The following ARHGEF10 variants were observed in gnomAD, a reference collection of about 807,000 sequenced individuals.
The protein encoded by ARHGEF10 is Rho guanine nucleotide exchange factor 10, also known as Rho guanine nucleotide exchange factor (GEF) 10.
A neutral mutation model predicts 147.4 loss-of-function variants in ARHGEF10; 140 were observed. The observed-to-expected ratio is 0.95, with a 90% confidence interval of 0.83 to 1.09. ARHGEF10 has a LOEUF of 1.09. ARHGEF10 is among the 50% of genes least tolerant of loss of function. The pLI is 0.00. For missense variants in ARHGEF10, 2,222 were observed against 1,752.7 expected, an observed-to-expected ratio of 1.27 and a Z score of -4.78; for synonymous variants, 902 against 695.8, an observed-to-expected ratio of 1.30 and a Z score of -4.67.
intron 11 of ARHGEF10, among the ~76,000 whole-genome samples, chr8:1,891,468 G>T (rs1809519906): frequency 6.6e-6 from 1 of 152,216 alleles, no homozygotes; most frequent in Non-Finnish European, 1.5e-5. Context: ...TACTTGGAAA[G>T]TACCCTTGAT....
rs111784754 is a variant in ARHGEF10 at position 1,865,506 on chromosome 8, C to T, written c.546-1020C>T. Among the ~76,000 whole-genome samples the T allele has an allele frequency of 9.1e-3, 1,386 of 152,088 alleles. 52 individuals are homozygous for T. In the East Asian group the frequency reaches 0.14, roughly 15 times the overall value. ...CATCACCAGGACACGGGGCATCCCC[C>T]AGCACCCATGAGGCCGTCACCAGGA... On this transcript the variant is annotated intron_variant, in intron 5 of 28. Transcript: ENST00000349830.
At chr8:1,903,178 A>G (rs1810608775) in intron 15 of ARHGEF10, 103 bp from the exon 16 acceptor site, 74 of 1,418,406 alleles carry the variant, frequency 5.2e-5, no homozygotes, top group Middle Eastern at 2.3e-4. Flanking sequence ...AGGATGGCAG[A>G]TGCCACTGCC....
At chr8:1,878,532 G>A (rs1807903085) in intron 8 of ARHGEF10, among the ~76,000 whole-genome samples, 1 of 152,202 alleles carries the variant, frequency 6.6e-6, no homozygotes, top group South Asian at 2.1e-4. Flanking sequence ...TATTTCGCTT[G>A]CTGTAGCTGA....
intron 27 of ARHGEF10, among the ~76,000 whole-genome samples, chr8:1,951,017 C>G (rs554776075): frequency 5.9e-5 from 9 of 152,342 alleles, no homozygotes; most frequent in South Asian, 4.1e-4. Flanking sequence ...TCTCACATCC[C>G]TGCTCCCACA....
rs1199414137 is a variant in ARHGEF10 at position 1,885,689 on chromosome 8, G to A, written c.1164G>A (p.Glu388=). 4 of 1,613,804 alleles carry A rather than the reference G, an allele frequency of 2.5e-6. No homozygotes were observed. The highest frequency in any genetic ancestry group is 3.3e-5 in the Admixed American group (2 of 59,996). The change falls in exon 11 of 29, where the codon GAG becomes GAA. Residue 388 remains glutamate (E), a synonymous_variant. Coordinates refer to ENST00000349830, the MANE Select transcript of ARHGEF10 (RefSeq NM_014629.4). The part of the protein sequence containing the change: ...HPEAILTPMP[E]GLSQQQVVRR... ...AAGCCATCTTGACCCCGATGCCCGAGGGTTTATCTCAGCAGCAGGTGAGAT... is the reference window on the plus strand; with the variant it reads ...AAGCCATCTTGACCCCGATGCCCGAAGGTTTATCTCAGCAGCAGGTGAGAT...
At chr8:1,925,226 G>A (rs575144817) in intron 21 of ARHGEF10, 57 bp from the exon 22 acceptor site, 6 of 1,611,932 alleles carry the variant, frequency 3.7e-6, no homozygotes, top group Non-Finnish European at 5.1e-6. Flanking sequence ...GGAGCTGCAG[G>A]TCTTTGCATG....
rs1738020025 is a variant in ARHGEF10, at chr8:1,864,569, C to T, written c.545+133C>T. The T allele has an allele frequency of 4.6e-6, 4 of 871,214 alleles. No homozygotes were observed. In the East Asian group the frequency reaches 7.6e-5, roughly 17 times the overall value. 54.0% of individuals were successfully genotyped at this position (871,214 alleles called of 1,614,324 possible). ...GGCGGGAGCTGTCCCAACCCCACCT[C>T]CTGCCTCGGGTCCCTCCCAGGCGAG... On this transcript the variant is annotated intron_variant, in intron 5 of 28. Transcript: ENST00000349830.
intron 9 of ARHGEF10, among the ~76,000 whole-genome samples, chr8:1,881,148 A>G (rs1246086908): frequency 6.6e-6 from 1 of 152,184 alleles, no homozygotes; most frequent in Non-Finnish European, 1.5e-5. Flanking sequence ...GAAGTGGGAA[A>G]GGAAGGCTGG....
intron 1 of ARHGEF10, among the ~76,000 whole-genome samples, chr8:1,825,503 CG>C (rs1287971835): frequency 6.8e-6 from 1 of 147,876 alleles, no homozygotes; most frequent in Non-Finnish European, 1.5e-5. Flanking sequence ...CTGTCCCCCC[CG>C]TACTCCACCT....
intron 26 of ARHGEF10, among the ~76,000 whole-genome samples, chr8:1,942,259 T>A (rs56370396): frequency 0.029 from 4,318 of 149,340 alleles, 89 homozygotes; most frequent in Middle Eastern, 0.055. Flanking sequence ...CACTCTTAGA[T>A]CTTAATAAAA....
Position 1,925,424 on chromosome 8 carries a change from G to T in ARHGEF10, c.2610+20G>T. 1 of 1,613,320 alleles carries T rather than the reference G, an allele frequency of 6.2e-7. No individual in the cohort carries two copies. The highest frequency in any genetic ancestry group is 2.2e-5 in the East Asian group (1 of 44,858). The stretch of plus-strand genomic sequence containing the variant: ...TTCAAGGTGAAGGGAGGCAGGGCCC[G>T]CGGCCCGGGGTGGGACGCACCTCGC... On this transcript the variant is annotated intron_variant, in intron 22 of 28. Coordinates refer to ENST00000349830, the MANE Select transcript of ARHGEF10 (RefSeq NM_014629.4).
rs1256603340 is a variant in ARHGEF10, at chr8:1,909,383, G to C, written c.2056G>C (p.Gly686Arg). Residue 686 changes from glycine to arginine, a missense_variant, in exon 18 of 29, where the codon GGC becomes CGC. Physicochemically the swap from Gly to Arg is moderately radical, Grantham distance 125. Coordinates refer to ENST00000349830, the MANE Select transcript of ARHGEF10 (RefSeq NM_014629.4). ...PLGHVDAIEY[G>R]SSAGTGEHSR... ...GGGACATGTGGACGCCATCGAGTAT[G>C]GCAGCAGCGCAGGCACGGGCGAGCA... The C allele has an allele frequency of 6.2e-7, 1 of 1,614,160 alleles. No individual in the cohort carries two copies. The highest frequency in any genetic ancestry group is 1.7e-5 in the Admixed American group (1 of 60,032).
chr8:1,956,782 G>A lies in ARHGEF10; in HGVS notation c.3554G>A (p.Ser1185Asn), dbSNP rs1815602118. 1 of 1,614,020 alleles carries A rather than the reference G, an allele frequency of 6.2e-7. No individual in the cohort carries two copies. The highest frequency in any genetic ancestry group is 8.5e-7 in the Non-Finnish European group (1 of 1,180,046). The change falls in exon 29 of 29, where the codon AGT becomes AAT. Residue 1185 changes from serine (S) to asparagine (N), a missense_variant. Physicochemically the swap from Ser to Asn is conservative, Grantham distance 46. Transcript: ENST00000349830. ...RGMVSYHAHN[S>N]PVKFIVLATA... ...ATGGTCTCCTACCATGCACACAACA[G>A]TCCTGTCAAATTCATCGTCCTGGCC...
At chr8:1,944,180 C>T (rs1172245018) in intron 26 of ARHGEF10, among the ~76,000 whole-genome samples, 4 of 149,314 alleles carry the variant, frequency 2.7e-5, no homozygotes, top group African/African-American at 5.0e-5. Context: ...CTTCCCGCAC[C>T]GTGCTACCTC....
chr8:1,866,248 A>T (rs118180959), intron 5 of ARHGEF10, among the ~76,000 whole-genome samples: 11,305 of 152,240 alleles, frequency 0.074, 514 homozygotes, highest in Non-Finnish European at 0.11. Flanking sequence ...CTTCTAGGGC[A>T]AGGACCGTAT....
intron 2 of ARHGEF10, among the ~76,000 whole-genome samples, chr8:1,845,753 C>G (rs930902448): frequency 2.0e-5 from 3 of 152,224 alleles, no homozygotes; most frequent in African/African-American, 7.2e-5. Context: ...AAATGCCCAT[C>G]CACCCATGGT....
intron 5 of ARHGEF10, among the ~76,000 whole-genome samples, chr8:1,865,587 A>C (rs1347117667): frequency 2.0e-5 from 3 of 152,176 alleles, no homozygotes; most frequent in Non-Finnish European, 4.4e-5. Flanking sequence ...GGCATCCCGC[A>C]GCACCCACAG....
chr8:1,926,310 CG>C lies in ARHGEF10; in HGVS notation c.2611-66del. ...TTGGAAGTAAGTCATCCATTTAAGACGTTATGTAGTCTAGGAGCCTCTTAGC... is the reference window on the plus strand; with the variant it reads ...TTGGAAGTAAGTCATCCATTTAAGACTTATGTAGTCTAGGAGCCTCTTAGC... On this transcript the variant is annotated intron_variant, in intron 22 of 28. Coordinates refer to ENST00000349830, the MANE Select transcript of ARHGEF10 (RefSeq NM_014629.4). The C allele has an allele frequency of 2.3e-6, 3 of 1,280,662 alleles. No individual in the cohort carries two copies. In the East Asian group the frequency reaches 6.9e-5, roughly 30 times the overall value. 79.3% of individuals were successfully genotyped at this position (1,280,662 alleles called of 1,614,324 possible).
intron 11 of ARHGEF10, among the ~76,000 whole-genome samples, chr8:1,891,912 A>G (rs1298557575): frequency 6.6e-6 from 1 of 151,118 alleles, no homozygotes; most frequent in East Asian, 1.9e-4. Flanking sequence ...ATACTATATT[A>G]GTATCATCTC....
Sources: gnomAD v4.1 joint callset for allele counts (sites outside exome capture counted in the v4.1 genomes callset) on GRCh38, gnomAD v4.1.1 for gene constraint, MANE v1.5 for transcripts, NCBI Gene and HGNC (gene_info 2026-07-23, HGNC 2026-07-21) for gene names.